DNAH7: variants seen among roughly 807,000 people sequenced by gnomAD.
DNAH7 encodes axonemal beta dynein heavy chain 7.
A neutral mutation model predicts 444.6 loss-of-function variants in DNAH7; 397 were observed. The ratio of observed to expected loss-of-function variants is 0.89; its 90% CI spans 0.82 to 0.97. The LOEUF is 0.97. DNAH7 is among the 50% of genes least tolerant of loss of function. The pLI, the probability that DNAH7 is intolerant of heterozygous loss-of-function variation, is 0.00. For missense variants in DNAH7, 4,902 were observed against 4,800.8 expected, an observed-to-expected ratio of 1.02 and a Z score of -0.62; for synonymous variants, 1,636 against 1,624.4, an observed-to-expected ratio of 1.01 and a Z score of -0.17.
Position 195,881,804 on chromosome 2 carries a change from A to C in DNAH7, c.5952T>G (p.Val1984=). ...TTTCTGCAGTACTTACCGTAATGTA[A>C]ACACTTTTCCCAGTTCCTGTTGGTC... ...FVGPTGTGKS[V]YITNFLLNQL... Residue 1984 remains valine, a synonymous_variant, in exon 36 of 65, where the codon GTT becomes GTG. Coordinates refer to ENST00000312428, the MANE Select transcript of DNAH7 (RefSeq NM_018897.3). The C allele has an allele frequency of 5.0e-6, 8 of 1,613,936 alleles. No homozygotes were observed. Among genetic ancestry groups the C allele is most frequent in the Non-Finnish European group, 6.8e-6 (8 of 1,179,840 alleles).
chr2:195,792,148 T>C (rs542195336), intron 57 of DNAH7, among the ~76,000 whole-genome samples: 114 of 98,620 alleles, frequency 1.2e-3, no homozygotes, highest in Non-Finnish European at 1.7e-3. Flanking sequence ...ACCTGGGCAA[T>C]AGAGTGAGAC....
At chr2:195,796,801 T>A in intron 55 of DNAH7, 64 bp from the exon 56 acceptor site, 1 of 1,518,446 alleles carries the variant, frequency 6.6e-7, no homozygotes, top group Non-Finnish European at 8.9e-7. Context: ...AATATTGTTT[T>A]TTTAAAAGTT....
chr2:195,809,723 T>C, intron 52 of DNAH7, 22 bp downstream of exon 52: 2 of 1,501,926 alleles, frequency 1.3e-6, no homozygotes, highest in Non-Finnish European at 1.8e-6. Flanking sequence ...GTTTTTTTCT[T>C]ACAAATGAAA....
At chr2:195,869,560 TA>T (rs917788879) in intron 40 of DNAH7, among the ~76,000 whole-genome samples, 9 of 151,930 alleles carry the variant, frequency 5.9e-5, no homozygotes, top group African/African-American at 1.5e-4. Context: ...ACTACTAGGA[TA>T]GGGGAGGGGA....
chr2:195,806,954 A>G lies in DNAH7; in HGVS notation c.10084-122T>C. The G allele has an allele frequency of 4.6e-6, 3 of 652,136 alleles. No individual in the cohort carries two copies. In the South Asian group the frequency reaches 7.1e-5, roughly 15 times the overall value. 40.4% of individuals were successfully genotyped at this position (652,136 alleles called of 1,614,324 possible). A position where few individuals can be genotyped will look rare whatever the true frequency, so the allele number is the denominator to read the frequency against. ...CAAGAATGCTTGTCTAAATTTTACT[A>G]TTTAGTGTAAAGTTGGGACATTATA... On this transcript the variant is annotated intron_variant, in intron 53 of 64. Transcript: ENST00000312428.
intron 5 of DNAH7, among the ~76,000 whole-genome samples, chr2:196,034,592 A>T (rs191330192): frequency 2.6e-5 from 4 of 152,368 alleles, no homozygotes; most frequent in African/African-American, 9.6e-5. Context: ...TTTGAAAAAG[A>T]ATAAATTTTG....
chr2:196,053,027 A>G (rs1223695869), intron 2 of DNAH7, among the ~76,000 whole-genome samples: 1 of 90,676 alleles, frequency 1.1e-5, no homozygotes, highest in Non-Finnish European at 2.2e-5. Flanking sequence ...TGGAGTACAC[A>G]TTCTAGAGGA....
At chr2:195,863,209 G>C (rs575554316) in intron 41 of DNAH7, among the ~76,000 whole-genome samples, 2 of 152,328 alleles carry the variant, frequency 1.3e-5, no homozygotes, top group South Asian at 4.1e-4. Context: ...AAGCAAAACA[G>C]AATTCAATAA....
Position 195,960,785 on chromosome 2 carries a change from T to C in DNAH7, c.2366A>G (p.His789Arg), listed in dbSNP as rs1691040703. Residue 789 changes from histidine to arginine, a missense_variant, in exon 18 of 65, where the codon CAT becomes CGT. His to Arg is a conservative substitution (Grantham distance 29). Transcript: ENST00000312428. Reference protein sequence around the residue: ...NYRAWTEGPYHKVNPDQVEAD... With the variant: ...NYRAWTEGPYRKVNPDQVEAD... Reference sequence around the variant, plus strand: ...TTCTACTTGGTCTGGATTCACTTTATGATATGGCCCTTCTGTCCATGCTCT... The same window carrying C: ...TTCTACTTGGTCTGGATTCACTTTACGATATGGCCCTTCTGTCCATGCTCT... The C allele has an allele frequency of 1.2e-6, 2 of 1,614,204 alleles. No homozygotes were observed. Among genetic ancestry groups the C allele is most frequent in the East Asian group, 2.2e-5 (1 of 44,882 alleles).
rs556435193 is a variant in DNAH7 at position 195,900,336 on chromosome 2, G to A, written c.4494C>T (p.Tyr1498=). The change falls in exon 28 of 65, where the codon TAC becomes TAT. Residue 1498 remains tyrosine (Y), a synonymous_variant. Coordinates refer to ENST00000312428, the MANE Select transcript of DNAH7 (RefSeq NM_018897.3). The part of the protein sequence containing the change: ...CSEQLSSQHH[Y]DYGMRAVKSV... ...ACTTCACGGCTCTCATTCCATAGTC[G>A]TAGTGATGTTGAGATGACAGCTGCT... The A allele has an allele frequency of 4.1e-5, 66 of 1,613,930 alleles. 2 individuals are homozygous for A. In the South Asian group the frequency reaches 6.3e-4, roughly 15 times the overall value.
At chr2:195,837,554 T>C (rs16840643) in intron 47 of DNAH7, among the ~76,000 whole-genome samples, 13,939 of 152,230 alleles carry the variant, frequency 0.092, 707 homozygotes, top group African/African-American at 0.13. Context: ...GGGGGAACCA[T>C]GCAGCAGGCA....
intron 58 of DNAH7, among the ~76,000 whole-genome samples, chr2:195,778,765 C>T (rs1695229077): frequency 7.3e-6 from 1 of 136,826 alleles, no homozygotes; most frequent in Non-Finnish European, 1.5e-5. Context: ...CAGAGATCAG[C>T]AGTGTTACTT....
chr2:195,835,884 T>TA lies in DNAH7; in HGVS notation c.8946-1525dup, dbSNP rs941269387. 4.5e-4 allele frequency among the ~76,000 whole-genome samples: 68 copies of TA among 152,180 alleles called. 2 individuals are homozygous for TA. The highest frequency in any genetic ancestry group is 3.5e-3 in the Admixed American group (54 of 15,280). On this transcript the variant is annotated intron_variant, in intron 47 of 64. Transcript: ENST00000312428. ...AAAACAAACAAAAATGTAGCTTAGA[T>TA]AAAAAAGAAAATAGTTTTCTTATCC...
intron 48 of DNAH7, among the ~76,000 whole-genome samples, chr2:195,829,981 A>G (rs1013257769): frequency 6.6e-6 from 1 of 152,136 alleles, no homozygotes; most frequent in Non-Finnish European, 1.5e-5. Flanking sequence ...TGAATTTTAA[A>G]AAAAGGAAAA....
chr2:195,879,891 G>T (rs1003438388), intron 36 of DNAH7, among the ~76,000 whole-genome samples: 2 of 151,978 alleles, frequency 1.3e-5, no homozygotes, highest in African/African-American at 4.8e-5. Context: ...TGAAATTATA[G>T]ACTCCTTCCT....
Position 196,047,512 on chromosome 2 carries a change from C to CAA in DNAH7, c.251-15_251-14dup, listed in dbSNP as rs377604116. ...TCCATGTATTCAGCTTAAATTAAAA[C>CAA]AAAAAAAAAAGCACAATTATTCATC... is the stretch of plus-strand genomic sequence containing the variant. On this transcript the variant is annotated splice_polypyrimidine_tract_variant and intron_variant, in intron 4 of 64. Transcript: ENST00000312428. The CAA allele has an allele frequency of 1.5e-5, 20 of 1,326,136 alleles. No individual in the cohort carries two copies. Among genetic ancestry groups the CAA allele is most frequent in the South Asian group, 8.4e-5 (5 of 59,562 alleles). 82.1% of individuals were successfully genotyped at this position (1,326,136 alleles called of 1,614,324 possible).
chr2:195,868,089 C>CTTTTTTTTT (rs58317384), intron 40 of DNAH7, among the ~76,000 whole-genome samples: 8 of 101,056 alleles, frequency 7.9e-5, no homozygotes, highest in Non-Finnish European at 1.5e-4. Flanking sequence ...TATTATTCAT[C>CTTTTTTTTT]TTTTTTTTTT....
intron 55 of DNAH7, among the ~76,000 whole-genome samples, chr2:195,798,015 A>G (rs1274448286): frequency 6.6e-6 from 1 of 152,268 alleles, no homozygotes; most frequent in East Asian, 1.9e-4. Flanking sequence ...TCTGGAGGAA[A>G]TAGGACAAGT....
At chr2:195,968,298 G>A (rs1691617292) in intron 17 of DNAH7, among the ~76,000 whole-genome samples, 1 of 151,948 alleles carries the variant, frequency 6.6e-6, no homozygotes, top group South Asian at 2.1e-4. Flanking sequence ...GGTTATTCAG[G>A]GCCTAAGGGC....
Sources: allele counts gnomAD v4.1 joint callset (sites outside exome capture counted in the v4.1 genomes callset), GRCh38; gene constraint gnomAD v4.1.1; transcripts MANE v1.5; gene names NCBI Gene and HGNC (gene_info 2026-07-23, HGNC 2026-07-21).